Variants in SLC14A2 observed in about 807,000 individuals in gnomAD.
SLC14A2 encodes the protein solute carrier family 14 member 2.
SLC14A2 carries 91 observed loss-of-function variants against 104.6 expected under a neutral mutation model. That is an observed-to-expected ratio of 0.87 (90% confidence interval 0.73 to 1.04). The LOEUF (loss-of-function observed/expected upper bound fraction) is 1.04, where lower values mean the gene tolerates loss of function less well. Ranked by LOEUF, SLC14A2 falls within the 50% of genes least tolerant of loss-of-function variation. The pLI is 0.00. For synonymous variants in SLC14A2, 476 were observed against 466.4 expected, an observed-to-expected ratio of 1.02 and a Z score of -0.27; for missense variants, 1,189 against 1,156.0, an observed-to-expected ratio of 1.03 and a Z score of -0.41.
upstream of SLC14A2, among the ~76,000 whole-genome samples, chr18:45,611,165 C>T (rs2044965583): frequency 6.6e-6 from 1 of 152,144 alleles, no homozygotes. Flanking sequence ...CACCCCCATT[C>T]TGACTGCAAG....
At chr18:45,330,724 C>A (rs893162280) in intron 1 of SLC14A2, among the ~76,000 whole-genome samples, 23 of 152,164 alleles carry the variant, frequency 1.5e-4, no homozygotes, top group African/African-American at 4.8e-4. Context: ...GTCCCTCGGG[C>A]CATTTCCAAT....
intron 1 of SLC14A2, among the ~76,000 whole-genome samples, chr18:45,371,253 T>C (rs531794908): frequency 6.6e-6 from 1 of 152,296 alleles, no homozygotes; most frequent in African/African-American, 2.4e-5. Context: ...TTCACCAAAC[T>C]GGACTATCTC....
In SLC14A2 at chr18:45,632,418, C is replaced by T. The variant is rs759799733; in HGVS notation, c.590C>T (p.Ser197Leu). The T allele has an allele frequency of 3.2e-5, 51 of 1,613,986 alleles. No individual in the cohort carries two copies. The highest frequency in any genetic ancestry group is 8.9e-5 in the East Asian group (4 of 44,882). ...MLVGLLMAVF[S>L]EKLDYYWWLL... ...GTGGGACTGCTGATGGCCGTGTTCT[C>T]GGAGAAGTTAGACTACTACTGGTGG... The change falls in exon 5 of 20, where the codon TCG (serine) becomes TTG (leucine). Residue 197 changes from serine (S) to leucine (L), a missense_variant. Transcript: ENST00000255226.
chr18:45,547,236 T>G (rs947962109), intron 2 of SLC14A2, among the ~76,000 whole-genome samples: 1 of 152,136 alleles, frequency 6.6e-6, no homozygotes, highest in Non-Finnish European at 1.5e-5. Context: ...CATTATGATG[T>G]TTAGAAACCC....
chr18:45,252,319 A>G (rs2084431742), intron 1 of SLC14A2, among the ~76,000 whole-genome samples: 3 of 152,354 alleles, frequency 2.0e-5, no homozygotes, highest in South Asian at 4.1e-4. Context: ...GAAAGCACAC[A>G]AAAACCTCAG....
At chr18:45,655,557 TA>T (rs1437259522) in intron 10 of SLC14A2, among the ~76,000 whole-genome samples, 1 of 152,230 alleles carries the variant, frequency 6.6e-6, no homozygotes, top group African/African-American at 2.4e-5. Context: ...TCTGAGGCTG[TA>T]TCTAGACTTA....
At chr18:45,302,036 G>A (rs901958208) in intron 1 of SLC14A2, among the ~76,000 whole-genome samples, 6 of 152,132 alleles carry the variant, frequency 3.9e-5, no homozygotes, top group African/African-American at 1.4e-4. Flanking sequence ...GGTCTTGCAA[G>A]GCCACCTTGT....
At chr18:45,592,144 G>A (rs978941902) in intron 2 of SLC14A2, among the ~76,000 whole-genome samples, 10 of 152,170 alleles carry the variant, frequency 6.6e-5, no homozygotes, top group Non-Finnish European at 8.8e-5. Context: ...AGAGGAATTG[G>A]CCCAGCGATA....
At chr18:45,549,960 T>C (rs1226249725) in intron 2 of SLC14A2, 3 of 151,178 alleles carry the variant, frequency 2.0e-5, no homozygotes. Flanking sequence ...TTTCCAAATG[T>C]TTTTCCATGT....
rs1258809804 is a variant in SLC14A2 at position 45,682,808 on chromosome 18, T to C, written c.*289T>C. Reference sequence around the variant, plus strand: ...AATAAGCCTCATCCTTAAAGAGAAGTCACCGGCCGGGCACGGTGGCTCACG... The same window carrying C: ...AATAAGCCTCATCCTTAAAGAGAAGCCACCGGCCGGGCACGGTGGCTCACG... On this transcript the variant is annotated 3_prime_UTR_variant, in exon 20 of 20. Transcript: ENST00000255226. The C allele has an allele frequency of 1.1e-5, 4 of 350,816 alleles. No individual in the cohort carries two copies. Among genetic ancestry groups the C allele is most frequent in the Non-Finnish European group, 1.6e-5 (3 of 182,880 alleles). The allele number at this position is 350,816 out of a possible 1,614,324, so 21.7% of individuals were successfully genotyped here.
intron 2 of SLC14A2, among the ~76,000 whole-genome samples, chr18:45,521,579 C>T (rs72902310): frequency 6.6e-6 from 1 of 152,050 alleles, no homozygotes; most frequent in Non-Finnish European, 1.5e-5. Flanking sequence ...GAAAGTAACC[C>T]TGTTTCCTTT....
rs2045368735 is a variant in SLC14A2 at position 45,632,910 on chromosome 18, C to G, written c.650+432C>G. ...GCCAGGATGGTCTCGATCTCCTGACCTCGTGATCCACCTGCCTCGGCCTCC... is the reference window on the plus strand; with the variant it reads ...GCCAGGATGGTCTCGATCTCCTGACGTCGTGATCCACCTGCCTCGGCCTCC... On this transcript the variant is annotated intron_variant, in intron 5 of 19. Coordinates refer to ENST00000255226, the MANE Select transcript of SLC14A2 (RefSeq NM_007163.4). 2.6e-5 allele frequency among the ~76,000 whole-genome samples: 4 copies of G among 152,292 alleles called. No homozygotes were observed. In the South Asian group the frequency reaches 6.2e-4, roughly 24 times the overall value.
At chr18:45,306,840 C>T (rs770516141) in intron 1 of SLC14A2, among the ~76,000 whole-genome samples, 4 of 152,088 alleles carry the variant, frequency 2.6e-5, no homozygotes, top group Admixed American at 6.5e-5. Context: ...ATTCTTTGTG[C>T]GTAACTCACT....
At chr18:45,178,124 C>G in the SLC14A2 span, among the ~76,000 whole-genome samples, 2 of 152,156 alleles carry the variant, frequency 1.3e-5, no homozygotes, top group African/African-American at 4.8e-5. Flanking sequence ...CTCCATGTCT[C>G]TTCCAGGAAG....
chr18:45,226,764 A>G (rs1011235537), intron 1 of SLC14A2, among the ~76,000 whole-genome samples: 13 of 152,108 alleles, frequency 8.5e-5, no homozygotes, highest in Admixed American at 6.5e-4. Context: ...ATGTATACAT[A>G]TGTAGCCTGC....
intron 18 of SLC14A2, among the ~76,000 whole-genome samples, chr18:45,678,680 A>C (rs568037143): frequency 6.6e-6 from 1 of 152,338 alleles, no homozygotes; most frequent in South Asian, 2.1e-4. Context: ...TTTATGGTTT[A>C]TGCTGTTAAA....
chr18:45,194,766 C>T, the SLC14A2 span, among the ~76,000 whole-genome samples: 2 of 151,296 alleles, frequency 1.3e-5, no homozygotes, highest in African/African-American at 2.4e-5. Context: ...CTGCCTCAGC[C>T]TCCCGAGTAG....
chr18:45,469,105 AAGC>A (rs1453393824), intron 1 of SLC14A2, among the ~76,000 whole-genome samples: 1 of 152,180 alleles, frequency 6.6e-6, no homozygotes, highest in Non-Finnish European at 1.5e-5. Context: ...TAGGGAAGAA[AAGC>A]AGGAAGAACA....
chr18:45,548,185 A>G (rs2044002698), intron 2 of SLC14A2, among the ~76,000 whole-genome samples: 1 of 152,170 alleles, frequency 6.6e-6, no homozygotes, highest in African/African-American at 2.4e-5. Context: ...TCAAAAGGAA[A>G]CAGGAAAGCA....
Sources: allele counts gnomAD v4.1 joint callset (sites outside exome capture counted in the v4.1 genomes callset), GRCh38; gene constraint gnomAD v4.1.1; transcripts MANE v1.5; gene names NCBI Gene and HGNC (gene_info 2026-07-23, HGNC 2026-07-21).